Variants in SBNO1 observed in about 807,000 individuals in gnomAD.
SBNO1 encodes strawberry notch homolog 1, also known as protein strawberry notch homolog 1.
In SBNO1, 23 loss-of-function variants were observed where a neutral mutation model predicts 173.6. The ratio of observed to expected loss-of-function variants is 0.13; its 90% CI spans 0.10 to 0.19. The LOEUF is 0.19. Among genes scored for constraint, SBNO1 ranks in the 10% least tolerant of loss-of-function variants. The pLI, the probability that SBNO1 is intolerant of heterozygous loss-of-function variation, is 1.00. For synonymous variants in SBNO1, 632 were observed against 571.5 expected (o/e 1.11, Z -1.51); for missense variants, 1,238 against 1,671.2 (o/e 0.74, Z 4.52).
At chr12:123,299,696 A>AAAAC (rs1258619334) in intron 30 of SBNO1, among the ~76,000 whole-genome samples, 10 of 149,498 alleles carry the variant, frequency 6.7e-5, no homozygotes, top group Non-Finnish European at 1.5e-4. Context: ...AAAAAAAAAA[A>AAAAC]AAACAAAAAA....
At position 123,304,572 on chromosome 12, in the gene SBNO1, GA is replaced by G; in HGVS notation, c.3768+9del. 1 of 1,516,814 alleles carries G rather than the reference GA, an allele frequency of 6.6e-7. No homozygotes were observed. The highest frequency in any genetic ancestry group is 9.1e-7 in the Non-Finnish European group (1 of 1,097,484). 94.0% of individuals were successfully genotyped at this position (1,516,814 alleles called of 1,614,324 possible). On this transcript the variant is annotated intron_variant, in intron 29 of 31. Coordinates refer to ENST00000602398, the MANE Select transcript of SBNO1 (RefSeq NM_001167856.3). The stretch of plus-strand genomic sequence containing the variant: ...TTCCTATATAATATAATGTACAAAT[GA>G]AAAAATACCTTCTTATATTTCTTTT...
In SBNO1 at chr12:123,359,178, C is replaced by A. The variant is rs1027202772; in HGVS notation, c.-1+5523G>T. Among the ~76,000 whole-genome samples, 19 of 151,896 alleles carry A rather than the reference C, an allele frequency of 1.3e-4. 1 individual carries two copies. Among genetic ancestry groups the A allele is most frequent in the African/African-American group, 4.6e-4 (19 of 41,514 alleles). On this transcript the variant is annotated intron_variant, in intron 1 of 31. Coordinates refer to ENST00000602398, the MANE Select transcript of SBNO1 (RefSeq NM_001167856.3). Reference sequence around the variant, plus strand: ...TCCATCTCCCGACCTCGTGATCAGCCCGCCTCAGCCTCCCAAAGTGCTGGG... The same window carrying A: ...TCCATCTCCCGACCTCGTGATCAGCACGCCTCAGCCTCCCAAAGTGCTGGG...
At position 123,343,851 on chromosome 12, in the gene SBNO1, G is replaced by C. The variant is rs1593398050; in HGVS notation, c.550+1407C>G. 2.0e-5 allele frequency among the ~76,000 whole-genome samples: 3 copies of C among 152,226 alleles called. No individual in the cohort carries two copies. The South Asian group carries it at 6.2e-4, about 32-fold the overall frequency. On this transcript the variant is annotated intron_variant, in intron 4 of 31. Transcript: ENST00000602398. ...GCGTCCGGCCCATCTTTGTTTCTTAGTCCTGACCTAGCTTGACAGTTTCTC... is the reference window on the plus strand; with the variant it reads ...GCGTCCGGCCCATCTTTGTTTCTTACTCCTGACCTAGCTTGACAGTTTCTC...
intron 30 of SBNO1, among the ~76,000 whole-genome samples, chr12:123,302,161 G>C (rs753414521): frequency 6.6e-6 from 1 of 151,020 alleles, no homozygotes; most frequent in Non-Finnish European, 1.5e-5. Context: ...TCGAACTCCC[G>C]ACCTTAGATT....
intron 3 of SBNO1, 58 bp from the exon 4 acceptor site, chr12:123,345,628 A>G: frequency 7.1e-7 from 1 of 1,406,478 alleles, no homozygotes; most frequent in African/African-American, 1.4e-5. Flanking sequence ...AATGAAGCTT[A>G]TATCCACAAA....
At chr12:123,349,850 T>G (rs149800941) in intron 2 of SBNO1, among the ~76,000 whole-genome samples, 2 of 151,866 alleles carry the variant, frequency 1.3e-5, no homozygotes, top group Admixed American at 1.3e-4. Flanking sequence ...GAGGCAGAGG[T>G]TGCAGTGAGC....
intron 31 of SBNO1, among the ~76,000 whole-genome samples, chr12:123,296,568 T>G (rs12582941): frequency 5.5e-5 from 8 of 144,492 alleles, no homozygotes; most frequent in Non-Finnish European, 7.7e-5. Context: ...TTTTTTTTTG[T>G]TTTTTTTTTC....
intron 24 of SBNO1, among the ~76,000 whole-genome samples, chr12:123,312,640 G>A (rs1255937755): frequency 6.6e-6 from 1 of 151,832 alleles, no homozygotes; most frequent in African/African-American, 2.4e-5. Flanking sequence ...TGAACCTGGT[G>A]GCGGAGGTTG....
intron 24 of SBNO1, among the ~76,000 whole-genome samples, chr12:123,311,724 A>ACCTATCTATC: frequency 1.6e-5 from 1 of 62,964 alleles, no homozygotes; most frequent in East Asian, 4.7e-4. Flanking sequence ...ATCTATCTAT[A>ACCTATCTATC]TATATATATA....
At chr12:123,339,242 G>C (rs1566045862) in intron 5 of SBNO1, among the ~76,000 whole-genome samples, 1 of 151,876 alleles carries the variant, frequency 6.6e-6, no homozygotes, top group Non-Finnish European at 1.5e-5. Flanking sequence ...AAATTCTTTT[G>C]GTATCGTTAT....
intron 28 of SBNO1, among the ~76,000 whole-genome samples, chr12:123,305,539 C>G (rs1206158964): frequency 1.3e-5 from 2 of 152,074 alleles, no homozygotes; most frequent in Admixed American, 6.6e-5. Flanking sequence ...AGGGCGCGAT[C>G]TCGGCTCACT....
At chr12:123,346,407 G>C (rs545803340) in intron 3 of SBNO1, among the ~76,000 whole-genome samples, 30 of 152,062 alleles carry the variant, frequency 2.0e-4, no homozygotes, top group Admixed American at 1.2e-3. Context: ...GCTCACACTT[G>C]TAATCCCAGC....
At chr12:123,319,136 G>T (rs1365065983) in intron 20 of SBNO1, among the ~76,000 whole-genome samples, 1 of 151,560 alleles carries the variant, frequency 6.6e-6, no homozygotes, top group Non-Finnish European at 1.5e-5. Context: ...ACCAATTTTT[G>T]TATTTTTAGT....
At chr12:123,335,400 A>G (rs944360211) in intron 6 of SBNO1, among the ~76,000 whole-genome samples, 1 of 152,168 alleles carries the variant, frequency 6.6e-6, no homozygotes, top group Non-Finnish European at 1.5e-5. Context: ...GCAGTGAGGC[A>G]AGAGCATGCC....
intron 5 of SBNO1, among the ~76,000 whole-genome samples, chr12:123,336,907 G>C (rs1303562956): frequency 6.6e-6 from 1 of 152,164 alleles, no homozygotes; most frequent in Non-Finnish European, 1.5e-5. Flanking sequence ...CCTAGCAAAG[G>C]TGGATTGGCC....
chr12:123,309,977 T>C, intron 25 of SBNO1, 121 bp from the exon 26 acceptor site: 2 of 734,292 alleles, frequency 2.7e-6, no homozygotes, highest in Non-Finnish European at 2.3e-6. Context: ...TCTTACACTG[T>C]CCTCACAACA....
At chr12:123,333,402 C>A (rs892560410) in intron 7 of SBNO1, among the ~76,000 whole-genome samples, 5 of 152,022 alleles carry the variant, frequency 3.3e-5, no homozygotes, top group African/African-American at 1.2e-4. Flanking sequence ...GCTGGAGGGA[C>A]AAAAGGTACA....
rs777727634 is a variant in SBNO1 at position 123,291,962 on chromosome 12, G to A, written c.*3946C>T. 2.0e-5 allele frequency: 3 copies of A among 151,206 alleles called. No individual in the cohort carries two copies. The highest frequency in any genetic ancestry group is 7.3e-5 in the African/African-American group (3 of 41,198). 9.4% of individuals were successfully genotyped at this position (151,206 alleles called of 1,614,324 possible). ...GAGCTTGAGTTGCAGGTATTTAGGT[G>A]TGTTTCTGTCACTTAAAAGACACTG... On this transcript the variant is annotated 3_prime_UTR_variant, in exon 32 of 32. Coordinates refer to ENST00000602398, the MANE Select transcript of SBNO1 (RefSeq NM_001167856.3).
At chr12:123,356,814 A>G (rs1296925262) in intron 1 of SBNO1, among the ~76,000 whole-genome samples, 1 of 152,184 alleles carries the variant, frequency 6.6e-6, no homozygotes, top group African/African-American at 2.4e-5. Flanking sequence ...AACTTGACCA[A>G]TCAGTTACTA....
Sources: gnomAD v4.1 joint callset for allele counts (sites outside exome capture counted in the v4.1 genomes callset) on GRCh38, gnomAD v4.1.1 for gene constraint, MANE v1.5 for transcripts, NCBI Gene and HGNC (gene_info 2026-07-23, HGNC 2026-07-21) for gene names.